Variants in DRC9 observed in about 807,000 individuals in gnomAD.
The protein encoded by DRC9 is dynein regulatory complex protein 9.
the DRC9 span, among the ~76,000 whole-genome samples, chr3:197,935,638 A>C: frequency 1.4e-3 from 210 of 151,644 alleles, no homozygotes; most frequent in African/African-American, 4.8e-3. Flanking sequence ...GCACGCCACC[A>C]CGCCCAGCTA....
the DRC9 span, chr3:197,956,870 C>CA: frequency 6.6e-6 from 1 of 152,136 alleles, no homozygotes; most frequent in South Asian, 2.1e-4. Flanking sequence ...GATGCAGTAA[C>CA]AGTCTTTTTG....
chr3:197,944,691 G>A, the DRC9 span, among the ~76,000 whole-genome samples: 15 of 151,894 alleles, frequency 9.9e-5, no homozygotes, highest in Non-Finnish European at 1.3e-4. Flanking sequence ...CTCGTGATCC[G>A]CCCACCTCGG....
chr3:197,891,508 C>G, the DRC9 span: 4 of 1,604,752 alleles, frequency 2.5e-6, no homozygotes, highest in African/African-American at 1.3e-5. Flanking sequence ...CTCTCCTTTT[C>G]TATACGATCT....
chr3:197,954,063 T>G, the DRC9 span: 3 of 1,613,884 alleles, frequency 1.9e-6, no homozygotes, highest in Non-Finnish European at 1.7e-6. Flanking sequence ...GAAAAGTAAC[T>G]CGGGCCCATG....
chr3:197,896,469 AAAC>A, the DRC9 span, among the ~76,000 whole-genome samples: 1 of 152,202 alleles, frequency 6.6e-6, no homozygotes, highest in Non-Finnish European at 1.5e-5. Context: ...GAAAAGAAGG[AAAC>A]AAAATAAAGT....
the DRC9 span, among the ~76,000 whole-genome samples, chr3:197,892,948 T>C: frequency 6.6e-6 from 1 of 152,216 alleles, no homozygotes; most frequent in African/African-American, 2.4e-5. Flanking sequence ...GACTTTGGGA[T>C]GCTGTAAATG....
the DRC9 span, among the ~76,000 whole-genome samples, chr3:197,949,075 T>A: frequency 6.6e-6 from 1 of 152,206 alleles, no homozygotes; most frequent in Admixed American, 6.5e-5. Context: ...AAGCCTCTTT[T>A]ACAGTGGCCT....
At chr3:197,952,652 A>AC in the DRC9 span, 1 of 151,438 alleles carries the variant, frequency 6.6e-6, no homozygotes, top group Non-Finnish European at 1.5e-5. Context: ...GTGCCACCAC[A>AC]CCCAGCTAAT....
the DRC9 span, among the ~76,000 whole-genome samples, chr3:197,930,191 C>CA: frequency 1.3e-5 from 2 of 151,548 alleles, no homozygotes; most frequent in Admixed American, 6.6e-5. Context: ...CCCATCTCTA[C>CA]AAAAAAATAC....
chr3:197,902,171 G>A, the DRC9 span, among the ~76,000 whole-genome samples: 9 of 152,252 alleles, frequency 5.9e-5, no homozygotes, highest in African/African-American at 2.2e-4. Flanking sequence ...GGCTTGGAGT[G>A]TTCCCTAATG....
the DRC9 span, among the ~76,000 whole-genome samples, chr3:197,893,085 C>T: frequency 2.0e-5 from 3 of 152,030 alleles, no homozygotes; most frequent in African/African-American, 4.8e-5. Flanking sequence ...GGGCCAGGCG[C>T]GGTGGCTCAC....
At chr3:197,907,417 G>A in the DRC9 span, among the ~76,000 whole-genome samples, 2 of 152,174 alleles carry the variant, frequency 1.3e-5, no homozygotes, top group Non-Finnish European at 2.9e-5. Context: ...ACCTCCTGCT[G>A]CTCAAGCTAA....
At chr3:197,916,953 C>T in the DRC9 span, among the ~76,000 whole-genome samples, 1 of 152,104 alleles carries the variant, frequency 6.6e-6, no homozygotes, top group Non-Finnish European at 1.5e-5. Context: ...TGTGTTGGGC[C>T]CCAGTCAAAG....
the DRC9 span, among the ~76,000 whole-genome samples, chr3:197,946,880 T>C: frequency 1.3e-5 from 2 of 152,188 alleles, no homozygotes; most frequent in African/African-American, 4.8e-5. Context: ...TGCAGTACGA[T>C]GGCGCGATCT....
the DRC9 span, among the ~76,000 whole-genome samples, chr3:197,930,932 G>T: frequency 0.042 from 6,344 of 151,768 alleles, 203 homozygotes; most frequent in African/African-American, 0.088. Context: ...TACTAGGGAG[G>T]TGGAGGCAGG....
the DRC9 span, among the ~76,000 whole-genome samples, chr3:197,930,292 G>A: frequency 2.0e-5 from 3 of 152,140 alleles, no homozygotes; most frequent in African/African-American, 7.2e-5. Context: ...AGGCTGCCAT[G>A]AGCCAAGATC....
the DRC9 span, among the ~76,000 whole-genome samples, chr3:197,928,585 A>G: frequency 1.3e-5 from 2 of 152,026 alleles, no homozygotes; most frequent in African/African-American, 2.4e-5. Context: ...CCTGACCTCA[A>G]ATGATCCATC....
At chr3:197,898,737 A>G in the DRC9 span, among the ~76,000 whole-genome samples, 1 of 152,222 alleles carries the variant, frequency 6.6e-6, no homozygotes, top group Non-Finnish European at 1.5e-5. Context: ...CACTATCACG[A>G]GAACAGCATG....
At chr3:197,891,115 G>A in the DRC9 span, among the ~76,000 whole-genome samples, 2 of 152,314 alleles carry the variant, frequency 1.3e-5, no homozygotes, top group East Asian at 3.9e-4. Flanking sequence ...ATTTTAAGAA[G>A]TAGAAGGATA....
Sources: gnomAD v4.1 joint callset for allele counts (sites outside exome capture counted in the v4.1 genomes callset) on GRCh38, gnomAD v4.1.1 for gene constraint, MANE v1.5 for transcripts, NCBI Gene and HGNC (gene_info 2026-07-23, HGNC 2026-07-21) for gene names.